RSU1: variants seen among roughly 807,000 people sequenced by gnomAD.
RSU1 encodes the protein rsu-1.
In RSU1, 26 loss-of-function variants were observed where a neutral mutation model predicts 31.1. The observed-to-expected ratio is 0.84, with a 90% CI of 0.61 to 1.16. The LOEUF (loss-of-function observed/expected upper bound fraction) is 1.16. RSU1 is among the 50% of genes most tolerant of loss of function. The probability of loss-of-function intolerance (pLI) is 0.00; values close to 1 mark genes in which losing one functional copy is unlikely to be tolerated. For missense variants in RSU1, 320 were observed against 339.1 expected (o/e 0.94, Z 0.44); for synonymous variants, 164 against 136.3 (o/e 1.20, Z -1.41).
At chr10:16,687,895 C>T (rs1662452185) in intron 8 of RSU1, among the ~76,000 whole-genome samples, 2 of 151,890 alleles carry the variant, frequency 1.3e-5, no homozygotes, top group South Asian at 4.2e-4. Flanking sequence ...AATTTTTTTT[C>T]ATTTTCTGTA....
chr10:16,694,805 G>A (rs1233975000), intron 8 of RSU1, among the ~76,000 whole-genome samples: 1 of 151,936 alleles, frequency 6.6e-6, no homozygotes, highest in Non-Finnish European at 1.5e-5. Context: ...TCAAACTCCT[G>A]GGCTCAAGCA....
intron 7 of RSU1, among the ~76,000 whole-genome samples, chr10:16,699,954 A>G (rs1215842479): frequency 6.6e-6 from 1 of 152,242 alleles, no homozygotes; most frequent in Non-Finnish European, 1.5e-5. Context: ...AAGCTTTGCC[A>G]TGCAACTGCA....
At chr10:16,669,957 G>A (rs1356028422) in intron 8 of RSU1, among the ~76,000 whole-genome samples, 2 of 152,148 alleles carry the variant, frequency 1.3e-5, no homozygotes, top group Non-Finnish European at 2.9e-5. Flanking sequence ...CATATAGTAT[G>A]TCTTTCTTAC....
At chr10:16,675,202 AAAAAAAAAAAAAAAAGAAAG>A (rs957856791) in intron 8 of RSU1, among the ~76,000 whole-genome samples, 18 of 147,212 alleles carry the variant, frequency 1.2e-4, no homozygotes, top group African/African-American at 4.5e-4. Context: ...CTCTGTCTCA[AAAAAAAAAAAAAAAAGAAAG>A]AAAAAAAAGT....
intron 7 of RSU1, among the ~76,000 whole-genome samples, chr10:16,711,578 G>A (rs1836019962): frequency 6.6e-6 from 1 of 152,090 alleles, no homozygotes; most frequent in South Asian, 2.1e-4. Flanking sequence ...ACAGGTTTTG[G>A]TAAGATGTGT....
rs144133853 is a variant in RSU1 at position 16,623,222 on chromosome 10, T to C, written c.732-29726A>G. 6.7e-3 allele frequency among the ~76,000 whole-genome samples: 1,020 copies of C among 152,210 alleles called. 7 individuals carry two copies. Among genetic ancestry groups the C allele is most frequent in the African/African-American group, 0.024 (975 of 41,470 alleles). On this transcript the variant is annotated intron_variant, in intron 8 of 8. Transcript: ENST00000345264. ...CTCTAGTAGCCCTCAGTTTCTATGG[T>C]TGCCATTTTTTTGTCCATGAAGACC...
chr10:16,612,440 G>C (rs893715099), intron 8 of RSU1, among the ~76,000 whole-genome samples: 2 of 152,088 alleles, frequency 1.3e-5, no homozygotes, highest in Non-Finnish European at 2.9e-5. Flanking sequence ...AACTCTTTTT[G>C]CTCTGTCCAT....
At chr10:16,720,959 C>A (rs1192397248) in intron 7 of RSU1, among the ~76,000 whole-genome samples, 1 of 151,966 alleles carries the variant, frequency 6.6e-6, no homozygotes, top group Non-Finnish European at 1.5e-5. Flanking sequence ...TGCACTCCAG[C>A]CTGGACAACT....
At position 16,778,667 on chromosome 10, in the gene RSU1, A is replaced by G. The variant is rs1459104895; in HGVS notation, c.160+3367T>C. Among the ~76,000 whole-genome samples, 5 of 152,074 alleles carry G rather than the reference A, an allele frequency of 3.3e-5. No individual in the cohort carries two copies. In the East Asian group the frequency reaches 9.6e-4, roughly 29 times the overall value. On this transcript the variant is annotated intron_variant, in intron 3 of 8. Coordinates refer to ENST00000345264, the MANE Select transcript of RSU1 (RefSeq NM_012425.4). ...AGACCAGCCAGGGGGCCCCCAGGGG[A>G]GGATGGGGAGAGGCTGGTAGAGAGG...
At chr10:16,724,735 C>G (rs1274151680) in intron 7 of RSU1, among the ~76,000 whole-genome samples, 1 of 152,112 alleles carries the variant, frequency 6.6e-6, no homozygotes, top group East Asian at 1.9e-4. Context: ...ACTGCCAGTC[C>G]CAAAGTGGGG....
chr10:16,760,724 T>C (rs1408833734), intron 4 of RSU1, among the ~76,000 whole-genome samples: 1 of 152,066 alleles, frequency 6.6e-6, no homozygotes, highest in Admixed American at 6.6e-5. Context: ...TTACCGCCTG[T>C]ATATTTTTCA....
intron 4 of RSU1, among the ~76,000 whole-genome samples, chr10:16,763,602 G>T (rs749333829): frequency 1.1e-4 from 16 of 152,126 alleles, no homozygotes; most frequent in Non-Finnish European, 1.9e-4. Flanking sequence ...CATGAGATTT[G>T]CTGGGGACAC....
chr10:16,737,868 C>G (rs868657613), intron 7 of RSU1, among the ~76,000 whole-genome samples: 1 of 151,884 alleles, frequency 6.6e-6, no homozygotes, highest in Non-Finnish European at 1.5e-5. Context: ...GTAAAATTCA[C>G]CAACTAGAGA....
intron 2 of RSU1, among the ~76,000 whole-genome samples, chr10:16,790,496 A>G (rs11254190): frequency 0.035 from 5,285 of 152,296 alleles, 87 homozygotes; most frequent in Middle Eastern, 0.044. Context: ...TTATCGTAGG[A>G]TGACAAACTG....
In RSU1 at chr10:16,802,831, A is replaced by G. The variant is rs139465744; in HGVS notation, c.109+14142T>C. Among the ~76,000 whole-genome samples the G allele has an allele frequency of 9.9e-3, 1,500 of 152,270 alleles. 35 individuals are homozygous for G. Among genetic ancestry groups the G allele is most frequent in the African/African-American group, 0.035 (1,441 of 41,566 alleles). On this transcript the variant is annotated intron_variant, in intron 2 of 8. Transcript: ENST00000345264. ...GCAGAAAAAGCACTGGAAAAATTCA[A>G]CACCCATAAAAACTCTTAGCAAACT...
chr10:16,619,349 G>A (rs1834031482), intron 8 of RSU1, among the ~76,000 whole-genome samples: 2 of 152,202 alleles, frequency 1.3e-5, no homozygotes, highest in Admixed American at 6.5e-5. Flanking sequence ...ACTAGGGAGA[G>A]CTGATGGTGA....
At chr10:16,694,667 C>T (rs1210503779) in intron 8 of RSU1, among the ~76,000 whole-genome samples, 4 of 152,100 alleles carry the variant, frequency 2.6e-5, no homozygotes, top group African/African-American at 9.7e-5. Flanking sequence ...ATGTCCTGGG[C>T]TCAAGTGATC....
intron 7 of RSU1, among the ~76,000 whole-genome samples, chr10:16,714,000 T>C (rs770489558): frequency 2.2e-4 from 34 of 152,156 alleles, no homozygotes; most frequent in Admixed American, 3.3e-4. Flanking sequence ...CTGTAGGTAT[T>C]TGTGGTGGTC....
chr10:16,678,946 A>T (rs1182027586), intron 8 of RSU1, among the ~76,000 whole-genome samples: 6 of 145,162 alleles, frequency 4.1e-5, no homozygotes, highest in Admixed American at 4.1e-4. Flanking sequence ...GATTTGAATT[A>T]AAAAAAAAAA....
Sources: allele counts gnomAD v4.1 joint callset (sites outside exome capture counted in the v4.1 genomes callset), GRCh38; gene constraint gnomAD v4.1.1; transcripts MANE v1.5; gene names NCBI Gene and HGNC (gene_info 2026-07-23, HGNC 2026-07-21).